Variants in CRYM observed in about 807,000 individuals in gnomAD.
The protein encoded by CRYM is ketimine reductase mu-crystallin.
CRYM carries 18 observed loss-of-function variants against 32.9 expected under a neutral mutation model. That is an observed-to-expected ratio of 0.55 (90% CI 0.38 to 0.81). The LOEUF (loss-of-function observed/expected upper bound fraction) is 0.81, where lower values mean the gene tolerates loss of function less well. Ranked by LOEUF, CRYM falls within the 30% of genes least tolerant of loss-of-function variation. The pLI is 0.00. For synonymous variants in CRYM, 153 were observed against 152.4 expected (o/e 1.00, Z -0.03); for missense variants, 337 against 393.5 (o/e 0.86, Z 1.21).
chr16:21,290,171 T>G (rs958919433), intron 1 of CRYM, among the ~76,000 whole-genome samples: 1 of 152,186 alleles, frequency 6.6e-6, no homozygotes, highest in Non-Finnish European at 1.5e-5. Context: ...CCTTCCATGC[T>G]GTGGGAACTT....
At chr16:21,294,605 C>T (rs8053894) in intron 1 of CRYM, among the ~76,000 whole-genome samples, 4,741 of 151,490 alleles carry the variant, frequency 0.031, 251 homozygotes, top group African/African-American at 0.11. Flanking sequence ...ATGCAGTGTT[C>T]GGTTTTCTGT....
At chr16:21,290,299 A>G (rs555978014) in intron 1 of CRYM, among the ~76,000 whole-genome samples, 90 of 152,196 alleles carry the variant, frequency 5.9e-4, no homozygotes, top group Non-Finnish European at 1.1e-3. Flanking sequence ...AGTCAGTGAG[A>G]CCACGAACCC....
chr16:21,295,445 G>A (rs1960769510), intron 1 of CRYM, among the ~76,000 whole-genome samples: 1 of 151,902 alleles, frequency 6.6e-6, no homozygotes, highest in African/African-American at 2.4e-5. Flanking sequence ...TTTTTTTTAT[G>A]TGTTTGTTGG....
intron 1 of CRYM, chr16:21,299,788 C>A (rs1303370234): frequency 6.6e-6 from 1 of 152,096 alleles, no homozygotes; most frequent in Non-Finnish European, 1.5e-5. Context: ...GGTCATATTG[C>A]CTTTTGTATT....
intron 1 of CRYM, among the ~76,000 whole-genome samples, chr16:21,297,791 A>G (rs1960819392): frequency 6.6e-6 from 1 of 152,236 alleles, no homozygotes; most frequent in Non-Finnish European, 1.5e-5. Flanking sequence ...TGGTCCTCTC[A>G]GTAAACATAG....
At chr16:21,264,966 T>C (rs1235765262) in intron 5 of CRYM, among the ~76,000 whole-genome samples, 1 of 152,172 alleles carries the variant, frequency 6.6e-6, no homozygotes, top group Non-Finnish European at 1.5e-5. Flanking sequence ...AATTTCTTTT[T>C]TGTGAGACTT....
intron 7 of CRYM, 58 bp downstream of exon 7, chr16:21,261,196 T>C (rs779477082): frequency 5.3e-6 from 7 of 1,324,836 alleles, no homozygotes; most frequent in Non-Finnish European, 7.6e-6. Context: ...TTTCCACCAA[T>C]GGGTGAACCT....
intron 1 of CRYM, chr16:21,283,963 A>C (rs1220515415): frequency 6.6e-6 from 1 of 152,668 alleles, no homozygotes; most frequent in Admixed American, 6.6e-5. Context: ...GCGAGGCTTG[A>C]GCAGTGAGTG....
At chr16:21,295,441 T>A (rs1960769227) in intron 1 of CRYM, among the ~76,000 whole-genome samples, 1 of 152,224 alleles carries the variant, frequency 6.6e-6, no homozygotes, top group South Asian at 2.1e-4. Flanking sequence ...GAGCTTTTTT[T>A]TATGTGTTTG....
chr16:21,285,822 G>A (rs558950143), intron 1 of CRYM, among the ~76,000 whole-genome samples: 2 of 152,180 alleles, frequency 1.3e-5, no homozygotes, highest in Admixed American at 6.5e-5. Context: ...GCTATGAATA[G>A]CTCAAAAGAA....
chr16:21,290,839 C>T (rs934333991), intron 1 of CRYM, among the ~76,000 whole-genome samples: 2 of 152,048 alleles, frequency 1.3e-5, no homozygotes, highest in Admixed American at 1.3e-4. Flanking sequence ...GAGTCCTAGG[C>T]TACATTTCCT....
intron 1 of CRYM, among the ~76,000 whole-genome samples, chr16:21,292,677 T>G (rs1369684767): frequency 1.3e-5 from 2 of 152,120 alleles, no homozygotes; most frequent in Non-Finnish European, 2.9e-5. Flanking sequence ...ATTATAAAAC[T>G]ACAGTAATTA....
rs201393532 is a variant in CRYM at position 21,278,110 on chromosome 16, T to G, written c.142A>C (p.Thr48Pro). Residue 48 changes from threonine to proline, a missense_variant, in exon 1 of 8, where the codon ACC becomes CCC. Coordinates refer to ENST00000572914, the MANE Select transcript of CRYM (RefSeq NM_001376256.1). ...CTGTGCTTGGTCACCGGCACCACGG[T>G]GCGCACGGGCTGCATGACCCCTCCT... ...PEGGVMQPVR[T>P]VVPVTKHRGY... 12 of 1,547,924 alleles carry G rather than the reference T, an allele frequency of 7.8e-6. No individual in the cohort carries two copies. In the East Asian group the frequency reaches 2.9e-4, roughly 38 times the overall value.
chr16:21,289,301 A>T lies in CRYM; in HGVS notation c.-192-10341T>A, dbSNP rs192353285. Among the ~76,000 whole-genome samples the T allele has an allele frequency of 3.5e-4, 54 of 152,312 alleles. No homozygotes were observed. The Middle Eastern group carries it at 0.017, about 48-fold the overall frequency. ...TGTTACTGTTGTATCTTCTTCATGA[A>T]TTAACCCATTTAATAGTATATAATG... On this transcript the variant is annotated intron_variant, in intron 1 of 9. Transcript: ENST00000219599.
At chr16:21,264,256 T>C (rs557750542) in intron 5 of CRYM, among the ~76,000 whole-genome samples, 8 of 152,254 alleles carry the variant, frequency 5.3e-5, no homozygotes, top group African/African-American at 1.9e-4. Flanking sequence ...AGCTTGTAAA[T>C]AAATCATAAG....
At chr16:21,281,214 CTATG>C (rs1444770029), upstream of CRYM, among the ~76,000 whole-genome samples, 3 of 149,802 alleles carry the variant, frequency 2.0e-5, no homozygotes, top group African/African-American at 7.4e-5. Context: ...GTATATGTAT[CTATG>C]TATCTATATA....
At chr16:21,269,091 C>A (rs1373012685) in intron 4 of CRYM, among the ~76,000 whole-genome samples, 1 of 149,374 alleles carries the variant, frequency 6.7e-6, no homozygotes, top group Admixed American at 6.7e-5. Context: ...TTGCAGTGAG[C>A]CGAGATTATG....
At chr16:21,290,001 T>C (rs1417148413) in intron 1 of CRYM, among the ~76,000 whole-genome samples, 3 of 147,832 alleles carry the variant, frequency 2.0e-5, no homozygotes, top group African/African-American at 7.9e-5. Flanking sequence ...CAGCACTCTG[T>C]AAAATGGACC....
At chr16:21,266,823 G>A (rs1334311341) in intron 5 of CRYM, among the ~76,000 whole-genome samples, 2 of 151,850 alleles carry the variant, frequency 1.3e-5, no homozygotes, top group Non-Finnish European at 2.9e-5. Context: ...TGGCCAACAT[G>A]GTGAAACCTT....
Sources: allele counts gnomAD v4.1 joint callset (sites outside exome capture counted in the v4.1 genomes callset), GRCh38; gene constraint gnomAD v4.1.1; transcripts MANE v1.5; gene names NCBI Gene and HGNC (gene_info 2026-07-23, HGNC 2026-07-21).